ABCC1: variants seen among roughly 807,000 people sequenced by gnomAD.
ABCC1 encodes multidrug resistance-associated protein 1.
In ABCC1, 83 loss-of-function variants were observed where a neutral mutation model predicts 172.9. The ratio of observed to expected loss-of-function variants is 0.48; its 90% CI spans 0.40 to 0.58. ABCC1 has a LOEUF of 0.58. Among genes scored for constraint, ABCC1 ranks in the 20% least tolerant of loss-of-function variants. The pLI, the probability that ABCC1 is intolerant of heterozygous loss-of-function variation, is 0.00. For synonymous variants in ABCC1, 937 were observed against 825.2 expected (o/e 1.14, Z -2.32); for missense variants, 1,817 against 2,002.7 (o/e 0.91, Z 1.77).
intron 2 of ABCC1, 138 bp from the exon 3 acceptor site, chr16:16,009,638 T>C (rs1228626811): frequency 1.2e-6 from 1 of 856,176 alleles, no homozygotes. Flanking sequence ...CCAGTGGATA[T>C]GTGCCATGTC....
intron 18 of ABCC1, among the ~76,000 whole-genome samples, chr16:16,087,678 C>T (rs965586637): frequency 3.9e-5 from 6 of 152,154 alleles, no homozygotes; most frequent in Non-Finnish European, 5.9e-5. Context: ...AGGCTGGTCT[C>T]GAACTCCTGA....
At position 16,106,872 on chromosome 16, in the gene ABCC1, A is replaced by G. The variant is rs1376762877; in HGVS notation, c.2870A>G (p.Gln957Arg). 2 of 1,614,058 alleles carry G rather than the reference A, an allele frequency of 1.2e-6. No homozygotes were observed. Among genetic ancestry groups the G allele is most frequent in the Non-Finnish European group, 8.5e-7 (1 of 1,179,984 alleles). ...LMEADKAQTG[Q>R]VKLSVYWDYM... ...GAGGCTGACAAGGCGCAGACAGGGC[A>G]GGTGAGATTCGCTCCTTAAGTGATG... The change falls in exon 21 of 31, where the codon CAG becomes CGG. Residue 957 changes from glutamine to arginine, a missense_variant and splice_region_variant. Gln to Arg is a conservative substitution (Grantham distance 43). Coordinates refer to ENST00000399410, the MANE Select transcript of ABCC1 (RefSeq NM_004996.4).
chr16:16,013,274 T>TG (rs1419355706), intron 3 of ABCC1, among the ~76,000 whole-genome samples: 2 of 151,202 alleles, frequency 1.3e-5, no homozygotes, highest in Non-Finnish European at 3.0e-5. Context: ...GCACATGTTT[T>TG]TTTTTTTTTT....
chr16:16,129,517 G>A (rs994936833), intron 26 of ABCC1, among the ~76,000 whole-genome samples: 3 of 151,280 alleles, frequency 2.0e-5, no homozygotes, highest in Admixed American at 6.6e-5. Context: ...TGTTGTTGGC[G>A]GTGGTGGTGG....
At chr16:15,953,701 C>T (rs1057004431) in intron 1 of ABCC1, among the ~76,000 whole-genome samples, 6 of 152,228 alleles carry the variant, frequency 3.9e-5, no homozygotes, top group East Asian at 1.9e-4. Context: ...TGTGTGTCAC[C>T]GTCGATGGAG....
intron 1 of ABCC1, among the ~76,000 whole-genome samples, chr16:16,006,990 A>G (rs2047564535): frequency 6.6e-6 from 1 of 151,914 alleles, no homozygotes; most frequent in Non-Finnish European, 1.5e-5. Context: ...GGTGATGATG[A>G]TGAATGAAGA....
intron 22 of ABCC1, among the ~76,000 whole-genome samples, chr16:16,113,902 C>A (rs1260469482): frequency 6.6e-6 from 1 of 152,142 alleles, no homozygotes; most frequent in Non-Finnish European, 1.5e-5. Flanking sequence ...CCCTTGCATG[C>A]ACGGTTCACA....
rs576472673 is a variant in ABCC1 at position 15,951,846 on chromosome 16, C to T, written c.48+2047C>T. ...CTGGGACTATAGGCGTGTGCCACCA[C>T]GCCCAGCTAATTTTTGTATTTTTTA... On this transcript the variant is annotated intron_variant, in intron 1 of 30. Transcript: ENST00000399410. Among the ~76,000 whole-genome samples, 96 of 152,246 alleles carry T rather than the reference C, an allele frequency of 6.3e-4. 1 individual carries two copies. In the South Asian group the frequency reaches 6.4e-3, roughly 10 times the overall value.
intron 1 of ABCC1, among the ~76,000 whole-genome samples, chr16:15,962,314 T>C (rs2046151754): frequency 1.3e-5 from 2 of 152,234 alleles, no homozygotes; most frequent in South Asian, 4.1e-4. Flanking sequence ...AATTTAACAA[T>C]GTGTAAAAAC....
chr16:16,079,264 T>C, intron 15 of ABCC1, 88 bp from the exon 16 acceptor site: 1 of 1,556,078 alleles, frequency 6.4e-7, no homozygotes, highest in Non-Finnish European at 8.7e-7. Flanking sequence ...TTTCTCTACT[T>C]GGGGTAAATT....
In ABCC1 at chr16:15,955,446, A is replaced by G. The variant is rs1597049759; in HGVS notation, c.48+5647A>G. Among the ~76,000 whole-genome samples the G allele has an allele frequency of 3.3e-5, 5 of 152,002 alleles. No homozygotes were observed. In the South Asian group the frequency reaches 8.3e-4, roughly 25 times the overall value. Reference sequence around the variant, plus strand: ...GTCTTGGCCCAGCTGTCCCTCTTCTACTAAAACCCTGCAGTAGTTCCTTGA... The same window carrying G: ...GTCTTGGCCCAGCTGTCCCTCTTCTGCTAAAACCCTGCAGTAGTTCCTTGA... On this transcript the variant is annotated intron_variant, in intron 1 of 30. Coordinates refer to ENST00000399410, the MANE Select transcript of ABCC1 (RefSeq NM_004996.4).
intron 5 of ABCC1, among the ~76,000 whole-genome samples, chr16:16,029,066 GC>G (rs1186496222): frequency 1.3e-5 from 2 of 152,190 alleles, no homozygotes. Context: ...GACAGGCAGG[GC>G]TGGGAACTTC....
At chr16:16,001,448 C>T (rs968239999) in intron 1 of ABCC1, among the ~76,000 whole-genome samples, 2 of 152,076 alleles carry the variant, frequency 1.3e-5, no homozygotes, top group South Asian at 4.1e-4. Context: ...GATCCACCCA[C>T]CTCGGCCTCC....
Position 16,007,673 on chromosome 16 carries a change from C to T in ABCC1, c.49-143C>T, listed in dbSNP as rs907217246. 10 of 671,560 alleles carry T rather than the reference C, an allele frequency of 1.5e-5. No individual in the cohort carries two copies. In the East Asian group the frequency reaches 1.5e-4, roughly 10 times the overall value. 41.6% of individuals were successfully genotyped at this position (671,560 alleles called of 1,614,324 possible). On this transcript the variant is annotated intron_variant, in intron 1 of 30. Transcript: ENST00000399410. ...TCTGGCTACTGATCTTTTTAGTTTGCGTGTTCATCCTGAAAGGTCCTTGGA... is the reference window on the plus strand; with the variant it reads ...TCTGGCTACTGATCTTTTTAGTTTGTGTGTTCATCCTGAAAGGTCCTTGGA...
intron 20 of ABCC1, chr16:16,106,385 T>G (rs973717061): frequency 8.7e-5 from 14 of 161,106 alleles, no homozygotes; most frequent in Non-Finnish European, 1.7e-4. Flanking sequence ...ATTGGCTTTT[T>G]TTTTTTTGAG....
intron 1 of ABCC1, among the ~76,000 whole-genome samples, chr16:15,969,058 AT>A (rs2046311015): frequency 6.6e-6 from 1 of 152,072 alleles, no homozygotes; most frequent in African/African-American, 2.4e-5. Flanking sequence ...AAATACAAAA[AT>A]TAACTGTGGT....
At chr16:16,042,657 C>T (rs7194547) in intron 7 of ABCC1, among the ~76,000 whole-genome samples, 3 of 150,408 alleles carry the variant, frequency 2.0e-5, no homozygotes, top group Non-Finnish European at 4.4e-5. Context: ...GAGTCAGGAT[C>T]GCACCATTGC....
chr16:15,998,947 C>T (rs1241768349), intron 1 of ABCC1, among the ~76,000 whole-genome samples: 1 of 152,138 alleles, frequency 6.6e-6, no homozygotes, highest in African/African-American at 2.4e-5. Flanking sequence ...ATTGAATCCT[C>T]TCCAGAACTC....
chr16:16,086,742 C>A, intron 17 of ABCC1, 82 bp from the exon 18 acceptor site: 1 of 1,520,182 alleles, frequency 6.6e-7, no homozygotes, highest in Non-Finnish European at 8.9e-7. Context: ...GTTCTGGGAT[C>A]ACACCACACT....
Sources: allele counts gnomAD v4.1 joint callset (sites outside exome capture counted in the v4.1 genomes callset), GRCh38; gene constraint gnomAD v4.1.1; transcripts MANE v1.5; gene names NCBI Gene and HGNC (gene_info 2026-07-23, HGNC 2026-07-21).